NUBPL: variants seen among roughly 807,000 people sequenced by gnomAD.
The protein encoded by NUBPL is iron-sulfur cluster transfer protein NUBPL.
In NUBPL, 31 loss-of-function variants were observed where a neutral mutation model predicts 45.7. The observed-to-expected ratio is 0.68, with a 90% CI of 0.51 to 0.92. The LOEUF is 0.92. Among genes scored for constraint, NUBPL ranks in the 40% least tolerant of loss-of-function variants. The pLI is 0.00. For synonymous variants in NUBPL, 144 were observed against 140.9 expected (o/e 1.02, Z -0.15); for missense variants, 401 against 398.7 (o/e 1.01, Z -0.05).
intron 6 of NUBPL, among the ~76,000 whole-genome samples, chr14:31,739,250 A>AT (rs1408363037): frequency 0.022 from 2,307 of 102,564 alleles, 47 homozygotes; most frequent in Non-Finnish European, 0.029. Context: ...CTATATATAT[A>AT]TATTTTTTTT....
At chr14:31,784,869 A>G (rs886319489) in intron 6 of NUBPL, among the ~76,000 whole-genome samples, 3 of 152,244 alleles carry the variant, frequency 2.0e-5, no homozygotes, top group Non-Finnish European at 4.4e-5. Context: ...ATGTCAGGGA[A>G]GGAGAGAGTT....
intron 6 of NUBPL, among the ~76,000 whole-genome samples, chr14:31,756,901 T>A (rs2038678796): frequency 6.8e-6 from 1 of 148,004 alleles, no homozygotes; most frequent in African/African-American, 2.5e-5. Context: ...TTGAGAGTTT[T>A]TAGCATGAAG....
chr14:31,776,803 G>C (rs978571090), intron 6 of NUBPL, among the ~76,000 whole-genome samples: 1 of 152,180 alleles, frequency 6.6e-6, no homozygotes, highest in Non-Finnish European at 1.5e-5. Context: ...AACCACTCTA[G>C]CTAGTTCCTG....
chr14:31,835,336 C>T (rs1363286865), intron 8 of NUBPL, among the ~76,000 whole-genome samples: 1 of 152,170 alleles, frequency 6.6e-6, no homozygotes, highest in Non-Finnish European at 1.5e-5. Flanking sequence ...TGTTTGGTGA[C>T]TTCCTTATAC....
intron 4 of NUBPL, among the ~76,000 whole-genome samples, chr14:31,647,450 T>C (rs2035886364): frequency 6.6e-6 from 1 of 152,234 alleles, no homozygotes; most frequent in Non-Finnish European, 1.5e-5. Context: ...TTGCCTGAGC[T>C]CTAGTATTCA....
chr14:31,775,279 A>T (rs2039079049), intron 6 of NUBPL, among the ~76,000 whole-genome samples: 1 of 152,108 alleles, frequency 6.6e-6, no homozygotes, highest in Non-Finnish European at 1.5e-5. Flanking sequence ...TTAGTTAGGC[A>T]TAGTGGCACA....
chr14:31,750,965 T>G (rs572544591), intron 6 of NUBPL, among the ~76,000 whole-genome samples: 1 of 152,352 alleles, frequency 6.6e-6, no homozygotes, highest in South Asian at 2.1e-4. Context: ...ATAGAACTTC[T>G]TCACATGGTG....
intron 6 of NUBPL, 115 bp downstream of exon 6, chr14:31,673,689 A>G (rs2036628494): frequency 3.5e-6 from 3 of 860,960 alleles, no homozygotes; most frequent in African/African-American, 3.3e-5. Context: ...GGATGAATGT[A>G]TAATGCGTAA....
intron 4 of NUBPL, among the ~76,000 whole-genome samples, chr14:31,629,325 G>T (rs1024272940): frequency 6.6e-6 from 1 of 152,144 alleles, no homozygotes; most frequent in African/African-American, 2.4e-5. Flanking sequence ...AATAGTTTGT[G>T]TCTAATGTCA....
At chr14:31,614,903 G>A (rs889143332) in intron 4 of NUBPL, among the ~76,000 whole-genome samples, 2 of 152,180 alleles carry the variant, frequency 1.3e-5, no homozygotes, top group African/African-American at 4.8e-5. Context: ...CTGGAGCTTT[G>A]AGATTTTTTG....
chr14:31,785,295 A>C (rs989059291), intron 6 of NUBPL, among the ~76,000 whole-genome samples: 1 of 152,190 alleles, frequency 6.6e-6, no homozygotes, highest in Non-Finnish European at 1.5e-5. Flanking sequence ...GGGGTTCCCA[A>C]CCCTTAGCCC....
intron 6 of NUBPL, among the ~76,000 whole-genome samples, chr14:31,747,471 T>A (rs1037438314): frequency 1.3e-5 from 2 of 152,198 alleles, no homozygotes; most frequent in African/African-American, 4.8e-5. Flanking sequence ...AGACTTTTTA[T>A]TATTGATCCC....
At chr14:31,689,403 G>A (rs922586596) in intron 6 of NUBPL, among the ~76,000 whole-genome samples, 1 of 152,082 alleles carries the variant, frequency 6.6e-6, no homozygotes, top group South Asian at 2.1e-4. Context: ...GTTTTGATTT[G>A]CATTTCCTTA....
At chr14:31,614,059 A>G (rs1445508401) in intron 4 of NUBPL, among the ~76,000 whole-genome samples, 1 of 152,096 alleles carries the variant, frequency 6.6e-6, no homozygotes, top group Non-Finnish European at 1.5e-5. Flanking sequence ...CAGAACTGAA[A>G]CGTTGACTTC....
rs35705230 is a variant in NUBPL, at chr14:31,669,809, G to GTTT, written c.383-3535_383-3533dup. On this transcript the variant is annotated intron_variant, in intron 4 of 10. Coordinates refer to ENST00000281081, the MANE Select transcript of NUBPL (RefSeq NM_025152.3). ...AGACATGATCTTGGTTTTTTTTTTT[G>GTTT]TTTTTTTTTTTTTACGGCTGCCTAG... Among the ~76,000 whole-genome samples the GTTT allele has an allele frequency of 2.6e-3, 136 of 51,558 alleles. 2 individuals are homozygous for GTTT. The highest frequency in any genetic ancestry group is 3.1e-3 in the Non-Finnish European group (98 of 31,820). 33.8% of individuals were successfully genotyped at this position (51,558 alleles called of 152,430 possible).
At chr14:31,791,445 CT>C (rs1388429926) in intron 7 of NUBPL, among the ~76,000 whole-genome samples, 4 of 151,918 alleles carry the variant, frequency 2.6e-5, no homozygotes, top group Non-Finnish European at 5.9e-5. Context: ...AGTTCCTTAC[CT>C]TTTTTGACTT....
intron 9 of NUBPL, among the ~76,000 whole-genome samples, chr14:31,846,924 C>T (rs766631683): frequency 7.9e-5 from 12 of 151,788 alleles, no homozygotes; most frequent in Non-Finnish European, 1.5e-4. Flanking sequence ...CCACTGCACT[C>T]CAGCCTGGGT....
chr14:31,727,572 A>G (rs1175517192), intron 6 of NUBPL, among the ~76,000 whole-genome samples: 1 of 152,206 alleles, frequency 6.6e-6, no homozygotes, highest in African/African-American at 2.4e-5. Flanking sequence ...TTTAAAATTT[A>G]TATTTTGGTC....
At chr14:31,698,316 C>T (rs993927579) in intron 6 of NUBPL, among the ~76,000 whole-genome samples, 4 of 150,358 alleles carry the variant, frequency 2.7e-5, no homozygotes, top group Middle Eastern at 3.5e-3. Flanking sequence ...CCATCTTTGC[C>T]GTCATTGCTG....
Sources: gnomAD v4.1 joint callset for allele counts (sites outside exome capture counted in the v4.1 genomes callset) on GRCh38, gnomAD v4.1.1 for gene constraint, MANE v1.5 for transcripts, NCBI Gene and HGNC (gene_info 2026-07-23, HGNC 2026-07-21) for gene names.